RORA: variants seen among roughly 807,000 people sequenced by gnomAD.
The protein encoded by RORA is nuclear receptor ROR-alpha.
Under a neutral mutation model 69.5 loss-of-function variants are expected in RORA, and 7 were observed. The observed-to-expected ratio is 0.10, with a 90% confidence interval of 0.06 to 0.19. RORA has a LOEUF of 0.19. Ranked by LOEUF, RORA falls within the 10% of genes least tolerant of loss-of-function variation. RORA has a pLI of 1.00. For missense variants in RORA, 457 were observed against 663.0 expected, an observed-to-expected ratio of 0.69 and a Z score of 3.41; for synonymous variants, 261 against 240.8, an observed-to-expected ratio of 1.08 and a Z score of -0.78.
chr15:60,750,598 C>T (rs762396276), intron 1 of RORA, among the ~76,000 whole-genome samples: 1 of 152,048 alleles, frequency 6.6e-6, no homozygotes, highest in Non-Finnish European at 1.5e-5. Context: ...ATTAGGCTCT[C>T]TATGTATATA....
chr15:60,878,803 G>A (rs928055683), intron 1 of RORA, among the ~76,000 whole-genome samples: 2 of 152,176 alleles, frequency 1.3e-5, no homozygotes, highest in Non-Finnish European at 2.9e-5. Flanking sequence ...GTCTTGCAGG[G>A]CGTTAGTTAA....
At position 61,131,846 on chromosome 15, in the gene RORA, A is replaced by C. The variant is rs2079192859; in HGVS notation, c.166+97207T>G. Among the ~76,000 whole-genome samples, 1 of 152,216 alleles carries C rather than the reference A, an allele frequency of 6.6e-6. No individual in the cohort carries two copies. Among genetic ancestry groups the C allele is most frequent in the Non-Finnish European group, 1.5e-5 (1 of 68,038 alleles). ...ACGGATGTGTAACTCTAAGCAAGTCATTTCTCCTTTTTTTGGTAAAATTTC... is the reference window on the plus strand; with the variant it reads ...ACGGATGTGTAACTCTAAGCAAGTCCTTTCTCCTTTTTTTGGTAAAATTTC... On this transcript the variant is annotated intron_variant, in intron 1 of 10. Coordinates refer to ENST00000335670, the MANE Select transcript of RORA (RefSeq NM_134261.3). The surrounding 1 kb of genome is among the most constrained non-coding windows in gnomAD (Gnocchi z 4.2).
chr15:60,979,280 T>A lies in RORA; in HGVS notation c.166+249773A>T, dbSNP rs112972560. ...CACCTAGCCCTTGCTTTTTTTTTTT[T>A]TTTTTTTTTTTCCAAGAATATTTTG... is the stretch of plus-strand genomic sequence containing the variant. On this transcript the variant is annotated intron_variant, in intron 1 of 10. Transcript: ENST00000335670. 5.9e-3 allele frequency among the ~76,000 whole-genome samples: 828 copies of A among 141,322 alleles called. 6 individuals are homozygous for A. The highest frequency in any genetic ancestry group is 0.021 in the African/African-American group (746 of 35,318). 92.7% of individuals were successfully genotyped at this position (141,322 alleles called of 152,430 possible).
chr15:60,991,504 G>C (rs552785229), intron 1 of RORA, among the ~76,000 whole-genome samples: 6 of 152,098 alleles, frequency 3.9e-5, no homozygotes, highest in African/African-American at 1.4e-4. Context: ...GAGTGTTTGT[G>C]TCTTAATAAC....
chr15:61,134,008 T>C (rs968288764), intron 1 of RORA, among the ~76,000 whole-genome samples: 19 of 152,216 alleles, frequency 1.2e-4, no homozygotes, highest in African/African-American at 4.3e-4. Context: ...TTACTATATG[T>C]CTGATTTCTT....
At chr15:60,621,244 T>C (rs2069398814) in intron 2 of RORA, among the ~76,000 whole-genome samples, 1 of 152,122 alleles carries the variant, frequency 6.6e-6, no homozygotes. Context: ...TTTATCAAGT[T>C]CAGCCCACCA....
chr15:60,695,445 A>G (rs757737148), intron 1 of RORA, among the ~76,000 whole-genome samples: 13 of 151,708 alleles, frequency 8.6e-5, no homozygotes, highest in Non-Finnish European at 1.5e-4. Flanking sequence ...ATTTCCTTCT[A>G]CAAACATCTT....
At chr15:60,600,423 T>C (rs1175915041) in intron 2 of RORA, among the ~76,000 whole-genome samples, 2 of 152,232 alleles carry the variant, frequency 1.3e-5, no homozygotes, top group South Asian at 2.1e-4. Flanking sequence ...ATGTCAATAG[T>C]GGTTTTGATG....
intron 2 of RORA, chr15:60,627,541 G>C: frequency 1.4e-6 from 2 of 1,394,232 alleles, no homozygotes; most frequent in South Asian, 3.6e-5. Flanking sequence ...TGCTGCCATG[G>C]GCAGTGGAAT....
At chr15:61,134,537 C>T (rs1257053598) in intron 1 of RORA, among the ~76,000 whole-genome samples, 3 of 152,182 alleles carry the variant, frequency 2.0e-5, no homozygotes, top group Non-Finnish European at 2.9e-5. Flanking sequence ...AAGTATTAGC[C>T]TTTACTATTA....
At chr15:60,915,944 C>G (rs950610192) in intron 1 of RORA, among the ~76,000 whole-genome samples, 5 of 151,694 alleles carry the variant, frequency 3.3e-5, no homozygotes, top group South Asian at 2.1e-4. Flanking sequence ...ATAATAAGGG[C>G]TCCTACAGGA....
intron 1 of RORA, among the ~76,000 whole-genome samples, chr15:61,111,750 CT>C (rs1421205203): frequency 1.3e-5 from 2 of 152,140 alleles, no homozygotes; most frequent in African/African-American, 4.8e-5. Flanking sequence ...AAGAATTGGT[CT>C]TAATATGCAA....
intron 1 of RORA, among the ~76,000 whole-genome samples, chr15:60,706,749 AG>A (rs1485692948): frequency 4.6e-5 from 7 of 152,212 alleles, no homozygotes; most frequent in Non-Finnish European, 1.0e-4. Flanking sequence ...TTCTGCAAAG[AG>A]GGAGCAAACC....
chr15:60,734,155 G>A (rs899155677), intron 1 of RORA, among the ~76,000 whole-genome samples: 4 of 152,150 alleles, frequency 2.6e-5, no homozygotes, highest in African/African-American at 9.7e-5. Flanking sequence ...AATTACAGCT[G>A]CTGTTCATTC....
chr15:60,762,570 C>T, intron 1 of RORA, among the ~76,000 whole-genome samples: 1 of 152,114 alleles, frequency 6.6e-6, no homozygotes, highest in African/African-American at 2.4e-5. Context: ...CGCACACACA[C>T]ACCACACACA....
intron 1 of RORA, among the ~76,000 whole-genome samples, chr15:61,182,008 C>G (rs1276067890): frequency 6.6e-6 from 1 of 152,178 alleles, no homozygotes; most frequent in East Asian, 1.9e-4. Flanking sequence ...ATTTCTCATT[C>G]ATTAGCCTGA....
chr15:60,760,174 T>C (rs1412467304), intron 1 of RORA, among the ~76,000 whole-genome samples: 2 of 152,122 alleles, frequency 1.3e-5, no homozygotes, highest in Non-Finnish European at 2.9e-5. Context: ...GAGCCTTCCT[T>C]TGGAAGAATA....
At chr15:61,032,381 G>A (rs1249834850) in intron 1 of RORA, among the ~76,000 whole-genome samples, 1 of 152,194 alleles carries the variant, frequency 6.6e-6, no homozygotes, top group Non-Finnish European at 1.5e-5. Flanking sequence ...ATGAGACTGA[G>A]TCATATGAAA....
intron 1 of RORA, among the ~76,000 whole-genome samples, chr15:60,796,638 T>C (rs1216986664): frequency 6.6e-6 from 1 of 151,988 alleles, no homozygotes; most frequent in Non-Finnish European, 1.5e-5. Flanking sequence ...AAATCAAACA[T>C]AGAATTATCA....
Sources: gnomAD v4.1 joint callset for allele counts (sites outside exome capture counted in the v4.1 genomes callset) on GRCh38, gnomAD v4.1.1 for gene constraint, Gnocchi (gnomAD v3.1) non-coding constraint, MANE v1.5 for transcripts, NCBI Gene and HGNC (gene_info 2026-07-23, HGNC 2026-07-21) for gene names.